Variants in ELAVL4 observed in about 807,000 individuals in gnomAD.
The protein encoded by ELAVL4 is ELAV-like protein 4.
In ELAVL4, 1 loss-of-function variant was observed where a neutral mutation model predicts 35.6. That is an observed-to-expected ratio of 0.03 (90% CI 0.01 to 0.13). The LOEUF (loss-of-function observed/expected upper bound fraction) is 0.13. ELAVL4 is among the 10% of genes least tolerant of loss of function. The pLI, the probability that ELAVL4 is intolerant of heterozygous loss-of-function variation, is 1.00. For missense variants in ELAVL4, 267 were observed against 464.9 expected, an observed-to-expected ratio of 0.57 and a Z score of 3.91; for synonymous variants, 156 against 171.0, an observed-to-expected ratio of 0.91 and a Z score of 0.69.
chr1:50,159,451 T>C (rs969522510), intron 2 of ELAVL4, among the ~76,000 whole-genome samples: 15 of 151,978 alleles, frequency 9.9e-5, no homozygotes, highest in Non-Finnish European at 2.9e-5. Flanking sequence ...CTACTAAAAA[T>C]ACAAAAAATT....
intron 2 of ELAVL4, among the ~76,000 whole-genome samples, chr1:50,165,439 T>G (rs544242904): frequency 2.9e-4 from 41 of 139,630 alleles, no homozygotes; most frequent in South Asian, 1.3e-3. Context: ...TATATATATA[T>G]ATAGATATAG....
intron 1 of ELAVL4, among the ~76,000 whole-genome samples, chr1:50,090,205 T>A (rs369223721): frequency 6.6e-6 from 1 of 152,310 alleles, no homozygotes; most frequent in East Asian, 1.9e-4. Flanking sequence ...GTTAGTGATT[T>A]TATCTATCTC....
intron 1 of ELAVL4, among the ~76,000 whole-genome samples, chr1:50,143,800 C>T (rs545940302): frequency 6.6e-6 from 1 of 151,966 alleles, no homozygotes; most frequent in African/African-American, 2.4e-5. Flanking sequence ...GACTTTGCCC[C>T]CATTTTTCTA....
At chr1:50,140,729 ACT>A (rs1672681736) in intron 1 of ELAVL4, among the ~76,000 whole-genome samples, 1 of 151,312 alleles carries the variant, frequency 6.6e-6, no homozygotes, top group Non-Finnish European at 1.5e-5. Flanking sequence ...TATTGAGAAA[ACT>A]CTCTTTGTAT....
upstream of ELAVL4, chr1:50,106,515 A>G (rs1458855525): frequency 1.3e-5 from 9 of 704,676 alleles, no homozygotes; most frequent in South Asian, 1.4e-4. Context: ...GAAAAAAAAA[A>G]TCATGCATGA....
Position 50,088,742 on chromosome 1 carries a change from G to C in ELAVL4, c.18+40560G>C, listed in dbSNP as rs1380370549. Among the ~76,000 whole-genome samples, 6 of 152,018 alleles carry C rather than the reference G, an allele frequency of 3.9e-5. No individual in the cohort carries two copies. The East Asian group carries it at 9.6e-4, about 24-fold the overall frequency. ...GCCCTTCATCTCCAAGGATAGACAG[G>C]CTCCTTCAATCACTCGGTGCACTAG... is the stretch of plus-strand genomic sequence containing the variant. On this transcript the variant is annotated intron_variant, in intron 1 of 6. Coordinates refer to the ELAVL4 transcript ENST00000448907.
intron 1 of ELAVL4, among the ~76,000 whole-genome samples, chr1:50,069,406 A>G (rs1664411595): frequency 6.6e-6 from 1 of 152,180 alleles, no homozygotes; most frequent in African/African-American, 2.4e-5. Context: ...GATGTAGAAA[A>G]TCCAAAGGCT....
intron 2 of ELAVL4, among the ~76,000 whole-genome samples, chr1:50,172,302 A>G (rs1280893329): frequency 6.6e-6 from 1 of 152,222 alleles, no homozygotes; most frequent in African/African-American, 2.4e-5. Flanking sequence ...TAGAGATTAA[A>G]TATAACAAAA....
intron 1 of ELAVL4, among the ~76,000 whole-genome samples, chr1:50,120,112 T>G (rs938492121): frequency 2.0e-5 from 3 of 151,764 alleles, no homozygotes; most frequent in African/African-American, 7.3e-5. Flanking sequence ...ATATTCTAGA[T>G]GCATCCTGGA....
At chr1:50,111,744 G>A (rs1416220279) in intron 1 of ELAVL4, among the ~76,000 whole-genome samples, 1 of 152,036 alleles carries the variant, frequency 6.6e-6, no homozygotes, top group Non-Finnish European at 1.5e-5. Context: ...TAGTGTCTTT[G>A]GACGTCTGGG....
At chr1:50,176,824 G>A (rs763073375) in intron 2 of ELAVL4, among the ~76,000 whole-genome samples, 1 of 152,202 alleles carries the variant, frequency 6.6e-6, no homozygotes, top group Admixed American at 6.5e-5. Context: ...TCTCTTGTGT[G>A]GCTGTGCAGG....
intron 6 of ELAVL4, among the ~76,000 whole-genome samples, chr1:50,198,485 T>G (rs962725584): frequency 2.0e-5 from 3 of 152,214 alleles, no homozygotes; most frequent in Non-Finnish European, 2.9e-5. Context: ...CTCTGGGAAC[T>G]GGTGCATGGT....
chr1:50,081,573 G>T (rs565565359), intron 1 of ELAVL4, among the ~76,000 whole-genome samples: 34 of 152,362 alleles, frequency 2.2e-4, no homozygotes, highest in South Asian at 1.0e-3. Flanking sequence ...GCACACCAGG[G>T]TGATGCTAAT....
At chr1:50,065,336 A>G (rs962470116) in intron 1 of ELAVL4, among the ~76,000 whole-genome samples, 2 of 152,168 alleles carry the variant, frequency 1.3e-5, no homozygotes, top group African/African-American at 4.8e-5. Context: ...AAAAGTTCCT[A>G]TTTGTTGGAT....
chr1:50,156,415 C>A (rs1200337901), intron 2 of ELAVL4, among the ~76,000 whole-genome samples: 2 of 152,122 alleles, frequency 1.3e-5, no homozygotes, highest in East Asian at 1.9e-4. Context: ...AACTCCTAAC[C>A]ACTTCTCATC....
intron 1 of ELAVL4, among the ~76,000 whole-genome samples, chr1:50,074,992 AAGTT>A (rs1572133493): frequency 6.6e-6 from 1 of 152,200 alleles, no homozygotes; most frequent in Admixed American, 6.5e-5. Flanking sequence ...AAATTATAGT[AAGTT>A]CTATGAAGGA....
chr1:50,103,658 G>A (rs1666104241), upstream of ELAVL4, among the ~76,000 whole-genome samples: 1 of 152,154 alleles, frequency 6.6e-6, no homozygotes, highest in Admixed American at 6.5e-5. Context: ...CACTGATGAC[G>A]CTATTTAAAT....
intron 2 of ELAVL4, among the ~76,000 whole-genome samples, chr1:50,168,037 TG>T (rs1678265168): frequency 6.6e-6 from 1 of 152,204 alleles, no homozygotes; most frequent in Admixed American, 6.5e-5. Context: ...TTCTGCCTAC[TG>T]GGAAGATTAC....
chr1:50,195,602 A>G lies in ELAVL4; in HGVS notation c.550A>G (p.Ile184Val). The change falls in exon 5 of 7, where the codon ATT becomes GTT. Residue 184 changes from isoleucine (I) to valine (V), a missense_variant. Ile to Val is a conservative substitution (Grantham distance 29). This residue lies in a region of ELAVL4 where 216 missense variants were observed against 409.5 expected (regional missense o/e 0.53). Coordinates refer to ENST00000371824, the MANE Select transcript of ELAVL4 (RefSeq NM_001144774.3). ...GVGFIRFDKR[I>V]EAEEAIKGLN... ...GGGATTCATCCGCTTTGATAAGAGGATTGAGGCAGAAGAAGCCATCAAAGG... is the reference window on the plus strand; with the variant it reads ...GGGATTCATCCGCTTTGATAAGAGGGTTGAGGCAGAAGAAGCCATCAAAGG... The G allele has an allele frequency of 2.5e-6, 4 of 1,614,110 alleles. No homozygotes were observed. Among genetic ancestry groups the G allele is most frequent in the Non-Finnish European group, 3.4e-6 (4 of 1,179,986 alleles).
Sources: allele counts gnomAD v4.1 joint callset (sites outside exome capture counted in the v4.1 genomes callset), GRCh38; gene constraint gnomAD v4.1.1; regional missense constraint gnomAD v4.1.1; transcripts MANE v1.5; gene names NCBI Gene and HGNC (gene_info 2026-07-23, HGNC 2026-07-21).